SND1: variants seen among roughly 807,000 people sequenced by gnomAD.
SND1 encodes the protein staphylococcal nuclease and tudor domain containing 1, also known as staphylococcal nuclease domain-containing protein 1.
In SND1, 38 loss-of-function variants were observed where a neutral mutation model predicts 121.7. That is an observed-to-expected ratio of 0.31 (90% CI 0.24 to 0.41). The LOEUF (loss-of-function observed/expected upper bound fraction) is 0.41. SND1 is among the 10% of genes least tolerant of loss of function. The pLI is 1.00. For missense variants in SND1, 868 were observed against 1,184.6 expected (o/e 0.73, Z 3.92); for synonymous variants, 401 against 447.4 (o/e 0.90, Z 1.31).
intron 10 of SND1, among the ~76,000 whole-genome samples, chr7:127,759,415 A>C (rs1366562681): frequency 6.6e-6 from 1 of 152,016 alleles, no homozygotes; most frequent in African/African-American, 2.4e-5. Flanking sequence ...GGCCAGTGAG[A>C]GCTCTTAAAG....
At chr7:127,962,540 G>T (rs1039681764) in intron 15 of SND1, among the ~76,000 whole-genome samples, 2 of 152,168 alleles carry the variant, frequency 1.3e-5, no homozygotes, top group African/African-American at 4.8e-5. Flanking sequence ...AGCAGGATGT[G>T]TATGGCTTTT....
intron 16 of SND1, among the ~76,000 whole-genome samples, chr7:128,042,979 G>A (rs1293600440): frequency 6.6e-6 from 1 of 152,182 alleles, no homozygotes; most frequent in Non-Finnish European, 1.5e-5. Flanking sequence ...TCTTTTCTGT[G>A]AAGGAAAAGA....
intron 16 of SND1, among the ~76,000 whole-genome samples, chr7:128,073,573 C>A (rs978152968): frequency 5.3e-5 from 8 of 152,184 alleles, no homozygotes; most frequent in African/African-American, 1.9e-4. Context: ...CTCGAGAATT[C>A]CCAGGTATTT....
In SND1 at chr7:128,085,736, G is replaced by A. The variant is rs778813556; in HGVS notation, c.2260G>A (p.Glu754Lys). The change falls in exon 20 of 24, where the codon GAG (glutamate) becomes AAG (lysine). Residue 754 changes from glutamate (E) to lysine (K), a missense_variant. Coordinates refer to ENST00000354725, the MANE Select transcript of SND1 (RefSeq NM_014390.4). The surrounding 1 kb of genome is among the most constrained non-coding windows in gnomAD (Gnocchi z 4.4). ...GTACCGTGCCCGAGTAGAGAAAGTCGAGTCTCCTGCCAAAATACATGTCTT... is the reference window on the plus strand; with the variant it reads ...GTACCGTGCCCGAGTAGAGAAAGTCAAGTCTCCTGCCAAAATACATGTCTT... Reference protein sequence around the residue: ...EWYRARVEKVESPAKIHVFYI... With the variant: ...EWYRARVEKVKSPAKIHVFYI... 7 of 1,614,084 alleles carry A rather than the reference G, an allele frequency of 4.3e-6. No homozygotes were observed. Among genetic ancestry groups the A allele is most frequent in the African/African-American group, 1.3e-5 (1 of 75,032 alleles).
chr7:128,029,212 G>A lies in SND1; in HGVS notation c.1779+38156G>A. The stretch of plus-strand genomic sequence containing the variant: ...GGCTGGTAACCAGTGGACGTGGTAG[G>A]AACAGGCTTGTACTTTCGCGTTGTG... On this transcript the variant is annotated intron_variant, in intron 16 of 23. Transcript: ENST00000354725. The surrounding 1 kb of genome is among the most constrained non-coding windows in gnomAD (Gnocchi z 4.2). 6 of 1,614,124 alleles carry A rather than the reference G, an allele frequency of 3.7e-6. No individual in the cohort carries two copies. The highest frequency in any genetic ancestry group is 5.1e-6 in the Non-Finnish European group (6 of 1,180,038).
chr7:127,982,913 A>C (rs961362582), intron 15 of SND1, among the ~76,000 whole-genome samples: 3 of 152,206 alleles, frequency 2.0e-5, no homozygotes, highest in African/African-American at 4.8e-5. Context: ...ATGTTATTTA[A>C]GTGATAACTA....
At chr7:128,055,208 C>T (rs957231760) in intron 16 of SND1, among the ~76,000 whole-genome samples, 2 of 152,076 alleles carry the variant, frequency 1.3e-5, no homozygotes, top group Admixed American at 6.6e-5. Flanking sequence ...GAAGGTGGGC[C>T]GGGTTCTGTT....
At chr7:127,810,180 C>A (rs1220722962) in intron 11 of SND1, among the ~76,000 whole-genome samples, 1 of 152,118 alleles carries the variant, frequency 6.6e-6, no homozygotes, top group Non-Finnish European at 1.5e-5. Flanking sequence ...AGTATTTTTC[C>A]CTTTCTTTGT....
chr7:127,666,213 G>T (rs1464426264), intron 1 of SND1, among the ~76,000 whole-genome samples: 1 of 152,224 alleles, frequency 6.6e-6, no homozygotes, highest in East Asian at 1.9e-4. Flanking sequence ...CTGAACCGTA[G>T]CTCTAGAGGA....
rs141888903 is a variant in SND1 at position 127,950,365 on chromosome 7, G to T, written c.1669+21036G>T. On this transcript the variant is annotated intron_variant, in intron 15 of 23. Coordinates refer to ENST00000354725, the MANE Select transcript of SND1 (RefSeq NM_014390.4). ...TAGATAAATGAAACTCTCAGTTTCC[G>T]CATTAAAGAAGTGGAGAAAAAATAG... Among the ~76,000 whole-genome samples the T allele has an allele frequency of 2.6e-5, 4 of 152,266 alleles. No individual in the cohort carries two copies. The South Asian group carries it at 6.2e-4, about 24-fold the overall frequency.
At chr7:128,090,189 C>T (rs564743211) in intron 22 of SND1, among the ~76,000 whole-genome samples, 1 of 152,190 alleles carries the variant, frequency 6.6e-6, no homozygotes, top group East Asian at 1.9e-4. Context: ...CTCCACTGTT[C>T]TGAGAGGAGA....
chr7:128,042,717 G>A (rs1759024161), intron 16 of SND1, among the ~76,000 whole-genome samples: 1 of 152,206 alleles, frequency 6.6e-6, no homozygotes, highest in South Asian at 2.1e-4. Context: ...TTCTGCTCCT[G>A]AACATCTGGT....
chr7:127,860,428 G>C (rs1322756073), intron 12 of SND1, among the ~76,000 whole-genome samples: 2 of 152,192 alleles, frequency 1.3e-5, no homozygotes, highest in Non-Finnish European at 2.9e-5. Flanking sequence ...TAAGGTGCTT[G>C]TTCTTCATTA....
At chr7:127,856,316 T>C (rs965186610) in intron 12 of SND1, among the ~76,000 whole-genome samples, 3 of 152,142 alleles carry the variant, frequency 2.0e-5, no homozygotes, top group Admixed American at 6.5e-5. Context: ...TTATCTGAGG[T>C]GATGAAAAGG....
chr7:127,942,423 A>C (rs1179025948), intron 15 of SND1, among the ~76,000 whole-genome samples: 1 of 152,224 alleles, frequency 6.6e-6, no homozygotes, highest in Admixed American at 6.5e-5. Context: ...CAGCATCTGC[A>C]TCTCAAGAAC....
At chr7:127,838,648 C>A (rs1271715869) in intron 11 of SND1, among the ~76,000 whole-genome samples, 1 of 152,146 alleles carries the variant, frequency 6.6e-6, no homozygotes, top group Non-Finnish European at 1.5e-5. Context: ...ATAATCCTTA[C>A]TTAGCTCTAA....
rs763205654 is a variant in SND1, at chr7:128,028,765, A to T, written c.1779+37709A>T. ...ATAGTGGTGACTGTGGGGTGCAGAG[A>T]GTTCCCCAGGCTGTTTTCTGTCCAG... On this transcript the variant is annotated intron_variant, in intron 16 of 23. Coordinates refer to ENST00000354725, the MANE Select transcript of SND1 (RefSeq NM_014390.4). 13 of 1,613,868 alleles carry T rather than the reference A, an allele frequency of 8.1e-6. No individual in the cohort carries two copies. Among genetic ancestry groups the T allele is most frequent in the Non-Finnish European group, 3.4e-6 (4 of 1,179,978 alleles).
At chr7:127,911,472 A>C (rs998371372) in intron 14 of SND1, among the ~76,000 whole-genome samples, 28 of 151,138 alleles carry the variant, frequency 1.9e-4, no homozygotes, top group African/African-American at 6.8e-4. Context: ...AGCCTTCCAA[A>C]GTGCTGGGAT....
intron 16 of SND1, among the ~76,000 whole-genome samples, chr7:128,044,316 C>A (rs1006933894): frequency 1.1e-4 from 17 of 152,126 alleles, no homozygotes; most frequent in African/African-American, 3.9e-4. Context: ...TTTATTCAGG[C>A]CGCATCCACA....
Sources: allele counts gnomAD v4.1 joint callset (sites outside exome capture counted in the v4.1 genomes callset), GRCh38; gene constraint gnomAD v4.1.1; non-coding constraint Gnocchi (gnomAD v3.1); transcripts MANE v1.5; gene names NCBI Gene and HGNC (gene_info 2026-07-23, HGNC 2026-07-21).